The following PCDHA9 variants were observed in gnomAD, a reference collection of about 807,000 sequenced individuals.
The protein encoded by PCDHA9 is protocadherin alpha-9.
In PCDHA9, 62 loss-of-function variants were observed where a neutral mutation model predicts 62.0. The ratio of observed to expected loss-of-function variants is 1.00; its 90% CI spans 0.81 to 1.23. The LOEUF is 1.23. PCDHA9 is among the 50% of genes most tolerant of loss of function. The pLI, the probability that PCDHA9 is intolerant of heterozygous loss-of-function variation, is 0.00. For synonymous variants in PCDHA9, 557 were observed against 567.6 expected (o/e 0.98, Z 0.27); for missense variants, 1,205 against 1,249.8 (o/e 0.96, Z 0.54).
chr5:140,881,332 C>T (rs923599590), intron 1 of PCDHA9: 7 of 984,540 alleles, frequency 7.1e-6, no homozygotes, highest in South Asian at 9.4e-5. Flanking sequence ...TTAACCAGGA[C>T]GCCGATTCGG....
At chr5:141,009,166 T>C (rs949376056) in intron 3 of PCDHA9, among the ~76,000 whole-genome samples, 98 of 152,230 alleles carry the variant, frequency 6.4e-4, no homozygotes, top group African/African-American at 2.2e-3. Context: ...CTGTAAATAC[T>C]GGCCTTGGCT....
rs2041415028 is a variant in PCDHA9 at position 140,850,199 on chromosome 5, T to C, written c.1704T>C (p.Pro568=). The C allele has an allele frequency of 1.9e-6, 3 of 1,592,798 alleles. No homozygotes were observed. Among genetic ancestry groups the C allele is most frequent in the Admixed American group, 1.7e-5 (1 of 59,238 alleles). The change falls in exon 1 of 4, where the codon CCT becomes CCC. Residue 568 remains proline, a synonymous_variant. Coordinates refer to ENST00000532602, the MANE Select transcript of PCDHA9 (RefSeq NM_031857.2). The part of the protein sequence containing the change: ...ENDNAPALLT[P]RMRGTDGAVS... ...ACAATGCGCCGGCGCTGCTGACACC[T>C]CGGATGAGGGGCACTGACGGCGCAG...
intron 1 of PCDHA9, chr5:140,966,542 G>A (rs926112867): frequency 3.7e-5 from 17 of 464,420 alleles, no homozygotes; most frequent in African/African-American, 1.8e-4. Flanking sequence ...GAGCGACTCG[G>A]AGGCGAGCGG....
intron 1 of PCDHA9, among the ~76,000 whole-genome samples, chr5:140,919,658 T>C (rs1271844986): frequency 2.0e-5 from 3 of 152,230 alleles, no homozygotes; most frequent in Non-Finnish European, 2.9e-5. Context: ...GTTTACCATA[T>C]ATATTTTAGC....
rs555714516 is a variant in PCDHA9, at chr5:140,983,025, A to T, written c.2542+462A>T. Among the ~76,000 whole-genome samples the T allele has an allele frequency of 9.9e-5, 15 of 151,964 alleles. 1 individual carries two copies. The South Asian group carries it at 2.9e-3, about 29-fold the overall frequency. ...AAGAAAAAGGAAGGAAGGAAGGAAG[A>T]TGGTTTCTCATGGAAGTGGAAAATT... On this transcript the variant is annotated intron_variant, in intron 3 of 3. Coordinates refer to ENST00000532602, the MANE Select transcript of PCDHA9 (RefSeq NM_031857.2).
chr5:140,967,023 G>A, intron 1 of PCDHA9: 1 of 1,608,160 alleles, frequency 6.2e-7, no homozygotes, highest in South Asian at 1.1e-5. Context: ...GGTGCGCCCA[G>A]TCCGCGCTAC....
chr5:140,888,239 C>G (rs1361679058), intron 1 of PCDHA9, among the ~76,000 whole-genome samples: 3 of 151,992 alleles, frequency 2.0e-5, no homozygotes, highest in Non-Finnish European at 4.4e-5. Flanking sequence ...TGTGCGTGTT[C>G]CTTTAAAGCA....
intron 1 of PCDHA9, among the ~76,000 whole-genome samples, chr5:140,920,557 G>A (rs1554199669): frequency 6.6e-6 from 1 of 152,158 alleles, no homozygotes; most frequent in African/African-American, 2.4e-5. Flanking sequence ...TCGAAGTGTG[G>A]CCCTTAGGCC....
chr5:140,860,179 T>C (rs1448179121), intron 1 of PCDHA9: 2 of 148,944 alleles, frequency 1.3e-5, no homozygotes, highest in African/African-American at 4.9e-5. Flanking sequence ...ATATATATGA[T>C]GGGCTCTCCT....
intron 1 of PCDHA9, among the ~76,000 whole-genome samples, chr5:140,957,220 G>A (rs1356437193): frequency 2.6e-5 from 4 of 152,192 alleles, no homozygotes; most frequent in Non-Finnish European, 5.9e-5. Flanking sequence ...CAAAAATTTG[G>A]CGAAGCATTT....
chr5:140,985,889 G>A (rs549796234), intron 3 of PCDHA9, among the ~76,000 whole-genome samples: 61 of 151,864 alleles, frequency 4.0e-4, no homozygotes, highest in Non-Finnish European at 5.7e-4. Context: ...ACAGGCGCCC[G>A]CCACCACTCC....
chr5:140,863,376 C>T (rs781824830), intron 1 of PCDHA9: 2 of 1,123,242 alleles, frequency 1.8e-6, no homozygotes, highest in South Asian at 1.2e-5. Context: ...CGCAGCTCAC[C>T]GAGAGCTCGT....
At chr5:140,876,204 G>A (rs1582266262) in intron 1 of PCDHA9, 1 of 1,613,934 alleles carries the variant, frequency 6.2e-7, no homozygotes, top group Non-Finnish European at 8.5e-7. Flanking sequence ...CGTTTGATAA[G>A]CCCAGCTATA....
chr5:140,910,869 C>T (rs2153516135), intron 1 of PCDHA9, among the ~76,000 whole-genome samples: 1 of 152,264 alleles, frequency 6.6e-6, no homozygotes, highest in Non-Finnish European at 1.5e-5. Context: ...CCACCATTAT[C>T]CCACACCCTT....
At chr5:140,945,527 C>A (rs1268496424) in intron 1 of PCDHA9, among the ~76,000 whole-genome samples, 2 of 151,828 alleles carry the variant, frequency 1.3e-5, no homozygotes, top group African/African-American at 4.8e-5. Context: ...ATAAATAAAA[C>A]AAAACATACA....
At chr5:140,889,949 A>C (rs1444545834) in intron 1 of PCDHA9, among the ~76,000 whole-genome samples, 1 of 152,202 alleles carries the variant, frequency 6.6e-6, no homozygotes. Flanking sequence ...GAGAAGCCAA[A>C]TGGATAGAAA....
rs2150471496 is a variant in PCDHA9 at position 140,850,180 on chromosome 5, C to T, written c.1685C>T (p.Ala562Val). Residue 562 changes from alanine to valine, a missense_variant, in exon 1 of 4, where the codon GCG (alanine) becomes GTG (valine). Ala to Val is a moderately conservative substitution (Grantham distance 64, BLOSUM62 0). This residue lies in a region of PCDHA9 where 887 missense variants were observed against 809.5 expected (regional missense o/e 1.10). Coordinates refer to ENST00000532602, the MANE Select transcript of PCDHA9 (RefSeq NM_031857.2). ...TTCGTGCTGGACGAGAACGACAATG[C>T]GCCGGCGCTGCTGACACCTCGGATG... ...QVFVLDENDN[A>V]PALLTPRMRG... 73 of 1,593,798 alleles carry T rather than the reference C, an allele frequency of 4.6e-5. 10 individuals carry two copies. The Middle Eastern group carries it at 1.0e-3, about 23-fold the overall frequency.
intron 2 of PCDHA9, 58 bp from the exon 3 acceptor site, chr5:140,982,417 G>T: frequency 1.2e-6 from 2 of 1,610,546 alleles, no homozygotes; most frequent in Non-Finnish European, 1.7e-6. Flanking sequence ...GAGGGTGGAA[G>T]AAGAGATGGG....
chr5:140,882,057 A>C, intron 1 of PCDHA9: 1 of 790,730 alleles, frequency 1.3e-6, no homozygotes, highest in Non-Finnish European at 1.9e-6. Context: ...ACTTACACTT[A>C]CACGTTCATG....
Sources: gnomAD v4.1 joint callset for allele counts (sites outside exome capture counted in the v4.1 genomes callset) on GRCh38, gnomAD v4.1.1 for gene constraint, gnomAD v4.1.1 regional missense constraint, MANE v1.5 for transcripts, NCBI Gene and HGNC (gene_info 2026-07-23, HGNC 2026-07-21) for gene names.